The following POLDIP2 variants were observed in gnomAD, a reference collection of about 807,000 sequenced individuals.
POLDIP2 encodes DNA polymerase delta interacting protein 2.
In POLDIP2, 32 loss-of-function variants were observed where a neutral mutation model predicts 52.9. That is an observed-to-expected ratio of 0.61 (90% CI 0.46 to 0.81). The LOEUF is 0.81. POLDIP2 is among the 40% of genes least tolerant of loss of function. The probability of loss-of-function intolerance (pLI) is 0.00; values close to 1 mark genes in which losing one functional copy is unlikely to be tolerated. For synonymous variants in POLDIP2, 183 were observed against 183.0 expected (o/e 1.00, Z 0.00); for missense variants, 371 against 477.3 (o/e 0.78, Z 2.07).
chr17:28,355,702 A>T, intron 2 of POLDIP2, 93 bp downstream of exon 2: 1 of 714,578 alleles, frequency 1.4e-6, no homozygotes, highest in Non-Finnish European at 2.4e-6. Flanking sequence ...GAATGAATGG[A>T]ACACCATACC....
At chr17:28,354,689 T>C in intron 2 of POLDIP2, 104 bp from the exon 3 acceptor site, 1 of 712,076 alleles carries the variant, frequency 1.4e-6, no homozygotes. Context: ...CAGCACAAGG[T>C]CTTGCTACCT....
At chr17:28,351,851 G>A in intron 6 of POLDIP2, 51 bp from the exon 7 acceptor site, 1 of 1,546,220 alleles carries the variant, frequency 6.5e-7, no homozygotes, top group Non-Finnish European at 8.9e-7. Context: ...GGATACAATT[G>A]TATCTAGTCC....
In POLDIP2 at chr17:28,357,434, T is replaced by C. The variant is rs782098353; in HGVS notation, c.15A>G (p.Thr5=). The change falls in exon 1 of 11, where the codon ACA becomes ACG. Residue 5 remains threonine (T), a synonymous_variant. Coordinates refer to ENST00000540200, the MANE Select transcript of POLDIP2 (RefSeq NM_015584.5). MAAC[T]ARRALAVGSR... The stretch of plus-strand genomic sequence containing the variant: ...TGCCCACGGCCAGGGCCCGCCGGGC[T>C]GTACAGGCTGCCATGTCCCGCCCGA... The C allele has an allele frequency of 6.8e-7, 1 of 1,475,920 alleles. No individual in the cohort carries two copies. Among genetic ancestry groups the C allele is most frequent in the Non-Finnish European group, 8.9e-7 (1 of 1,125,222 alleles). 91.4% of individuals were successfully genotyped at this position (1,475,920 alleles called of 1,614,324 possible).
Position 28,350,533 on chromosome 17 carries a change from C to T in POLDIP2, c.817G>A (p.Asp273Asn). The T allele has an allele frequency of 1.9e-6, 3 of 1,613,852 alleles. No individual in the cohort carries two copies. The highest frequency in any genetic ancestry group is 2.5e-6 in the Non-Finnish European group (3 of 1,179,832). The change falls in exon 9 of 11, where the codon GAC becomes AAC. Residue 273 changes from aspartate (D) to asparagine (N), a missense_variant. Coordinates refer to ENST00000540200, the MANE Select transcript of POLDIP2 (RefSeq NM_015584.5). Reference protein sequence around the residue: ...WRYCIRLENLDSDVVQLRERH... With the variant: ...WRYCIRLENLNSDVVQLRERH... ...TCCCGGAGCTGTACCACATCACTGTCAAGGTTCTCCAAACGGATACAGTAG... is the reference window on the plus strand; with the variant it reads ...TCCCGGAGCTGTACCACATCACTGTTAAGGTTCTCCAAACGGATACAGTAG...
chr17:28,348,174 G>A lies in POLDIP2; in HGVS notation c.1050C>T (p.Pro350=), dbSNP rs530232713. Residue 350 remains proline (P), a synonymous_variant, in exon 11 of 11, where the codon CCC becomes CCT. Transcript: ENST00000540200. ...DGSHFDVRIP[P]FSLESNKDEK... ...CATCTTTATTGCTTTCCAGGGAGAA[G>A]GGAGGAATCCGAACATCAAAGTGGG... 1.9e-6 allele frequency: 3 copies of A among 1,613,922 alleles called. No individual in the cohort carries two copies. The South Asian group carries it at 3.3e-5, about 18-fold the overall frequency.
intron 4 of POLDIP2, among the ~76,000 whole-genome samples, 174 bp downstream of exon 4, chr17:28,353,520 CA>C (rs71135829): frequency 3.1e-4 from 17 of 54,798 alleles, no homozygotes; most frequent in East Asian, 2.1e-3. Flanking sequence ...GACTCCATAT[CA>C]AAAAAAAAAA....
intron 2 of POLDIP2, among the ~76,000 whole-genome samples, 171 bp downstream of exon 2, chr17:28,355,611 AAAAATAAATAAAT>A (rs1193678256): frequency 7.0e-4 from 107 of 152,278 alleles, no homozygotes; most frequent in Admixed American, 4.1e-3. Context: ...CCGTCTCACA[AAAAATAAATAAAT>A]AAAATAAATA....
In POLDIP2 at chr17:28,357,507, G is replaced by T; in HGVS notation, c.-59C>A. 7.0e-7 allele frequency: 1 copy of T among 1,436,276 alleles called. No homozygotes were observed. Among genetic ancestry groups the T allele is most frequent in the Non-Finnish European group, 9.0e-7 (1 of 1,104,996 alleles). The allele number at this position is 1,436,276 out of a possible 1,614,324, so 89.0% of individuals were successfully genotyped here. ...AGAGCCCGACCCGCGGCCGGGCGGC[G>T]TTCCGCCCCAGTCCCACACTGCCCC... On this transcript the variant is annotated 5_prime_UTR_variant, in exon 1 of 11. Coordinates refer to ENST00000540200, the MANE Select transcript of POLDIP2 (RefSeq NM_015584.5).
chr17:28,347,578 G>T lies in POLDIP2; in HGVS notation c.*539C>A, dbSNP rs1907626417. On this transcript the variant is annotated 3_prime_UTR_variant, in exon 11 of 11. Transcript: ENST00000540200. ...CTCTCTGCATTTGGCAGAAGGTAAA[G>T]TGAACAAGAGTCCAGTCCAGCACCC... 6.5e-6 allele frequency: 1 copy of T among 153,690 alleles called. No homozygotes were observed. Among genetic ancestry groups the T allele is most frequent in the Non-Finnish European group, 1.4e-5 (1 of 69,114 alleles). The allele number at this position is 153,690 out of a possible 1,614,324, so 9.5% of individuals were successfully genotyped here. A position where few individuals can be genotyped will look rare whatever the true frequency, so the allele number is the denominator to read the frequency against.
At position 28,350,780 on chromosome 17, in the gene POLDIP2, A is replaced by C; in HGVS notation, c.772T>G (p.Ser258Ala). 1 of 1,594,108 alleles carries C rather than the reference A, an allele frequency of 6.3e-7. No individual in the cohort carries two copies. ...GTGACACTCACCCAGTACACGTGGG[A>C]ATTCTGGGCTTCCTAGGGAGAAAAC... ...FYMGMREAQN[S>A]HVYWWRYCIR... The change falls in exon 8 of 11, where the codon TCC becomes GCC. Residue 258 changes from serine (S) to alanine (A), a missense_variant. By Grantham distance (99) the Ser-to-Ala change is moderately conservative. Transcript: ENST00000540200.
chr17:28,353,056 C>T (rs1445780972), intron 5 of POLDIP2, 37 bp from the exon 6 acceptor site: 1 of 833,018 alleles, frequency 1.2e-6, no homozygotes, highest in South Asian at 1.3e-5. Context: ...GTGAAACTCA[C>T]AGGAGAGGAG....
chr17:28,356,794 C>T (rs1463566576), intron 1 of POLDIP2, among the ~76,000 whole-genome samples: 1 of 152,174 alleles, frequency 6.6e-6, no homozygotes. Flanking sequence ...GTTTCCACAC[C>T]ATCCCCATGG....
At chr17:28,353,369 A>C in intron 4 of POLDIP2, 53 bp from the exon 5 acceptor site, 1 of 985,656 alleles carries the variant, frequency 1.0e-6, no homozygotes, top group African/African-American at 1.6e-5. Flanking sequence ...AAAAAGTACA[A>C]AAATTAGGCT....
rs565466608 is a variant in POLDIP2, at chr17:28,353,636, T to C, written c.438+59A>G. On this transcript the variant is annotated intron_variant, in intron 4 of 10. Transcript: ENST00000540200. ...ACCCCCTTCCCTCCCTTTGTCCCCA[T>C]TGGGATGCAGGACTTTCCATGGAGA... The C allele has an allele frequency of 2.5e-4, 303 of 1,192,850 alleles. 1 individual carries two copies. Among genetic ancestry groups the C allele is most frequent in the Middle Eastern group, 7.6e-4 (4 of 5,242 alleles). The allele number at this position is 1,192,850 out of a possible 1,614,324, so 73.9% of individuals were successfully genotyped here.
intron 1 of POLDIP2, 77 bp from the exon 2 acceptor site, chr17:28,355,953 G>C (rs1908011082): frequency 9.3e-7 from 1 of 1,080,838 alleles, no homozygotes. Flanking sequence ...AAAGCTCCTA[G>C]GATACTGAGG....
intron 4 of POLDIP2, 71 bp from the exon 5 acceptor site, chr17:28,353,387 T>A: frequency 1.2e-6 from 1 of 806,650 alleles, no homozygotes; most frequent in Non-Finnish European, 2.1e-6. Context: ...GCTGGTGTGG[T>A]GGCAGATGCC....
At position 28,346,633 on chromosome 17, in the gene POLDIP2, T is replaced by G. The variant is rs1438183557; in HGVS notation, c.*1484A>C. 6.6e-6 allele frequency: 1 copy of G among 152,384 alleles called. No individual in the cohort carries two copies. Among genetic ancestry groups the G allele is most frequent in the East Asian group, 1.9e-4 (1 of 5,196 alleles). 9.4% of individuals were successfully genotyped at this position (152,384 alleles called of 1,614,324 possible). A position where few individuals can be genotyped will look rare whatever the true frequency, so the allele number is the denominator to read the frequency against. On this transcript the variant is annotated 3_prime_UTR_variant, in exon 11 of 11. Coordinates refer to ENST00000540200, the MANE Select transcript of POLDIP2 (RefSeq NM_015584.5). ...AATACTAACATTGAACTCACTGACA[T>G]GATCTTAGCTTCTTTAATCAGACTT...
At position 28,352,909 on chromosome 17, in the gene POLDIP2, T is replaced by C. The variant is rs377241997; in HGVS notation, c.622+3A>G. 7.7e-6 allele frequency: 12 copies of C among 1,558,316 alleles called. No homozygotes were observed. The highest frequency in any genetic ancestry group is 1.7e-4 in the Middle Eastern group (1 of 5,992). Reference sequence around the variant, plus strand: ...TCCACCTCCCCTTCTTGAGAGAGATTACCTTTTGTCTGGTCATACAGAAGA... The same window carrying C: ...TCCACCTCCCCTTCTTGAGAGAGATCACCTTTTGTCTGGTCATACAGAAGA... On this transcript the variant is annotated splice_donor_region_variant and intron_variant, in intron 6 of 10. Transcript: ENST00000540200.
At chr17:28,353,971 T>G (rs182299035) in intron 3 of POLDIP2, among the ~76,000 whole-genome samples, 180 bp from the exon 4 acceptor site, 3 of 152,130 alleles carry the variant, frequency 2.0e-5, no homozygotes, top group Non-Finnish European at 4.4e-5. Context: ...GGGCAAATAA[T>G]AGAGCATGGA....
Sources: allele counts gnomAD v4.1 joint callset (sites outside exome capture counted in the v4.1 genomes callset), GRCh38; gene constraint gnomAD v4.1.1; transcripts MANE v1.5; gene names NCBI Gene and HGNC (gene_info 2026-07-23, HGNC 2026-07-21).